NCALD: variants seen among roughly 807,000 people sequenced by gnomAD.
The protein encoded by NCALD is neurocalcin delta, also known as neurocalcin-delta.
Under a neutral mutation model 18.6 loss-of-function variants are expected in NCALD, and 10 were observed. The observed-to-expected ratio is 0.54, with a 90% CI of 0.33 to 0.91. The LOEUF (loss-of-function observed/expected upper bound fraction) is 0.91. NCALD is among the 40% of genes least tolerant of loss of function. The pLI, the probability that NCALD is intolerant of heterozygous loss-of-function variation, is 0.03. For missense variants in NCALD, 184 were observed against 247.6 expected (o/e 0.74, Z 1.72); for synonymous variants, 88 against 87.4 (o/e 1.01, Z -0.04).
intron 1 of NCALD, among the ~76,000 whole-genome samples, chr8:101,776,749 G>A (rs1338822427): frequency 6.6e-6 from 1 of 152,112 alleles, no homozygotes; most frequent in African/African-American, 2.4e-5. Context: ...AGTATAAGCA[G>A]ATGCTTTAAT....
chr8:101,889,131 T>G (rs1356792875), intron 3 of NCALD, among the ~76,000 whole-genome samples: 1 of 152,228 alleles, frequency 6.6e-6, no homozygotes, highest in African/African-American at 2.4e-5. Context: ...TTCTTCATCA[T>G]GCCTGCAACT....
intron 3 of NCALD, among the ~76,000 whole-genome samples, chr8:101,896,614 C>T (rs1393518418): frequency 1.3e-5 from 2 of 152,026 alleles, no homozygotes; most frequent in Admixed American, 6.6e-5. Context: ...GCAACCTACT[C>T]ACCTGACAAA....
intron 2 of NCALD, among the ~76,000 whole-genome samples, chr8:102,011,008 C>T (rs879699312): frequency 5.9e-5 from 9 of 152,152 alleles, no homozygotes; most frequent in Admixed American, 2.6e-4. Context: ...AGAAATGTCA[C>T]GTCTGGTTCC....
chr8:102,115,893 C>A (rs1386914027), intron 1 of NCALD, among the ~76,000 whole-genome samples: 2 of 152,168 alleles, frequency 1.3e-5, no homozygotes, highest in Non-Finnish European at 2.9e-5. Context: ...TCCAGCAAAG[C>A]AAAGCCCAGA....
intron 4 of NCALD, among the ~76,000 whole-genome samples, chr8:101,863,313 G>A (rs559815012): frequency 6.6e-6 from 1 of 152,158 alleles, no homozygotes; most frequent in African/African-American, 2.4e-5. Context: ...ACTCAATCCG[G>A]ATCTTGGTTC....
chr8:101,846,670 G>A (rs1814880719), intron 4 of NCALD, among the ~76,000 whole-genome samples: 1 of 152,182 alleles, frequency 6.6e-6, no homozygotes, highest in Non-Finnish European at 1.5e-5. Context: ...AGAACTTTCT[G>A]CATGATCATT....
At chr8:101,974,164 T>C (rs2131907901) in intron 2 of NCALD, among the ~76,000 whole-genome samples, 1 of 152,326 alleles carries the variant, frequency 6.6e-6, no homozygotes, top group Admixed American at 6.5e-5. Flanking sequence ...TATTCCTTGA[T>C]ATAATTAATT....
At chr8:102,035,474 T>A (rs1189450679) in intron 1 of NCALD, among the ~76,000 whole-genome samples, 1 of 152,124 alleles carries the variant, frequency 6.6e-6, no homozygotes, top group Non-Finnish European at 1.5e-5. Flanking sequence ...ACAAAGAATA[T>A]CAACTTCTGT....
intron 1 of NCALD, among the ~76,000 whole-genome samples, chr8:101,787,335 C>G (rs1159758023): frequency 6.6e-6 from 1 of 152,190 alleles, no homozygotes; most frequent in African/African-American, 2.4e-5. Flanking sequence ...TTGAGAACAT[C>G]TCTTTCGTAA....
At chr8:101,882,311 G>A (rs766338736) in intron 4 of NCALD, among the ~76,000 whole-genome samples, 3 of 152,148 alleles carry the variant, frequency 2.0e-5, no homozygotes, top group African/African-American at 4.8e-5. Flanking sequence ...ATATTAGGAG[G>A]TGGAGTTTGG....
intron 4 of NCALD, among the ~76,000 whole-genome samples, chr8:101,797,840 T>C (rs1262476249): frequency 1.3e-5 from 2 of 151,418 alleles, no homozygotes; most frequent in South Asian, 4.2e-4. Context: ...GAGTGTCTTC[T>C]GTTCCCAAGA....
intron 2 of NCALD, among the ~76,000 whole-genome samples, chr8:101,700,461 T>C (rs745407750): frequency 5.9e-5 from 9 of 152,176 alleles, no homozygotes; most frequent in East Asian, 1.9e-4. Context: ...TAGATGGGTA[T>C]AGTCATCCCA....
intron 1 of NCALD, among the ~76,000 whole-genome samples, chr8:102,119,569 T>C (rs1385220811): frequency 1.3e-5 from 2 of 152,232 alleles, no homozygotes; most frequent in African/African-American, 4.8e-5. Context: ...TGGTCAATTT[T>C]ATGTTATGTA....
At chr8:101,893,678 G>A (rs1231707011) in intron 3 of NCALD, among the ~76,000 whole-genome samples, 2 of 127,304 alleles carry the variant, frequency 1.6e-5, no homozygotes, top group Admixed American at 7.9e-5. Context: ...GATCTACCAA[G>A]CAAATGGAAA....
chr8:101,731,009 G>A (rs946812697), intron 1 of NCALD, among the ~76,000 whole-genome samples: 1 of 152,176 alleles, frequency 6.6e-6, no homozygotes, highest in Non-Finnish European at 1.5e-5. Context: ...GTCAGTGAAC[G>A]GGTGTCGGAG....
intron 2 of NCALD, among the ~76,000 whole-genome samples, chr8:101,712,582 G>C (rs1275430729): frequency 1.1e-3 from 26 of 23,376 alleles, no homozygotes; most frequent in South Asian, 3.7e-3. Context: ...CAAACAAATG[G>C]AAAGCAAAAA....
intron 4 of NCALD, among the ~76,000 whole-genome samples, chr8:101,858,643 A>G (rs1455558146): frequency 6.6e-6 from 1 of 152,110 alleles, no homozygotes; most frequent in African/African-American, 2.4e-5. Flanking sequence ...CTGGCAAAAT[A>G]CTGGAGGATT....
intron 2 of NCALD, among the ~76,000 whole-genome samples, chr8:101,960,867 G>A (rs1178761995): frequency 1.3e-5 from 2 of 151,992 alleles, no homozygotes; most frequent in Non-Finnish European, 1.5e-5. Context: ...CTTTGCATTT[G>A]CTGTTTCTTC....
chr8:102,088,793 T>C (rs931982294), intron 1 of NCALD, among the ~76,000 whole-genome samples: 6 of 152,226 alleles, frequency 3.9e-5, no homozygotes, highest in Non-Finnish European at 8.8e-5. Context: ...TAAAAATAGA[T>C]AGATCTCTCT....
Sources: gnomAD v4.1 joint callset for allele counts (sites outside exome capture counted in the v4.1 genomes callset) on GRCh38, gnomAD v4.1.1 for gene constraint, MANE v1.5 for transcripts, NCBI Gene and HGNC (gene_info 2026-07-23, HGNC 2026-07-21) for gene names.